WASHC4: variants seen among roughly 807,000 people sequenced by gnomAD.
WASHC4 encodes the protein WASH complex subunit 7.
A neutral mutation model predicts 166.6 loss-of-function variants in WASHC4; 86 were observed. The ratio of observed to expected loss-of-function variants is 0.52; its 90% CI spans 0.43 to 0.62. WASHC4 has a LOEUF of 0.62. WASHC4 is among the 20% of genes least tolerant of loss of function. WASHC4 has a pLI of 0.00. For missense variants in WASHC4, 1,262 were observed against 1,382.4 expected (o/e 0.91, Z 1.38); for synonymous variants, 446 against 451.6 (o/e 0.99, Z 0.16).
chr12:105,120,576 G>T lies in WASHC4; in HGVS notation c.540G>T (p.Glu180Asp). ...ISNKIAPKII[E>D]TTGVHFQTMY... is the part of the protein sequence containing the mutation. The stretch of plus-strand genomic sequence containing the variant: ...ATAGGATTGCACCCAAAATTATAGA[G>T]ACAACTGGAGTTCATTTTCAGGTAA... The change falls in exon 8 of 33, where the codon GAG (glutamate) becomes GAT (aspartate). Residue 180 changes from glutamate (E) to aspartate (D), a missense_variant. Coordinates refer to ENST00000332180, the MANE Select transcript of WASHC4 (RefSeq NM_015275.3). The T allele has an allele frequency of 6.2e-7, 1 of 1,602,402 alleles. No homozygotes were observed. The highest frequency in any genetic ancestry group is 8.5e-7 in the Non-Finnish European group (1 of 1,169,608).
chr12:105,150,045 C>A (rs1307197465), intron 25 of WASHC4, among the ~76,000 whole-genome samples: 3 of 152,168 alleles, frequency 2.0e-5, no homozygotes, highest in Non-Finnish European at 4.4e-5. Flanking sequence ...TCTTTCCATT[C>A]CATTTTCTGG....
chr12:105,158,889 G>T (rs1318925924), intron 28 of WASHC4, among the ~76,000 whole-genome samples: 2 of 152,132 alleles, frequency 1.3e-5, no homozygotes, highest in African/African-American at 2.4e-5. Context: ...CTAGTTGAAG[G>T]GTATACGGGT....
intron 2 of WASHC4, among the ~76,000 whole-genome samples, 171 bp downstream of exon 2, chr12:105,111,435 A>C (rs1043079557): frequency 6.6e-6 from 1 of 152,180 alleles, no homozygotes; most frequent in Non-Finnish European, 1.5e-5. Context: ...ATGTTTTTTA[A>C]ATGTGTGTGT....
Position 105,132,193 on chromosome 12 carries a change from G to T in WASHC4, c.1200-1577G>T, listed in dbSNP as rs564882485. Among the ~76,000 whole-genome samples, 19 of 152,334 alleles carry T rather than the reference G, an allele frequency of 1.2e-4. No individual in the cohort carries two copies. In the East Asian group the frequency reaches 3.5e-3, roughly 28 times the overall value. On this transcript the variant is annotated intron_variant, in intron 13 of 32. Coordinates refer to ENST00000332180, the MANE Select transcript of WASHC4 (RefSeq NM_015275.3). ...TGTTTGTTTGTTTGTTTTTGAGACG[G>T]AGTCTCGCTCTGTCGCCCAGGCTGG...
rs752373359 is a variant in WASHC4, at chr12:105,114,443, C to A, written c.321+16C>A. On this transcript the variant is annotated intron_variant, in intron 4 of 32. Transcript: ENST00000332180. ...AAAATATGAGGTAATTATTTGAATT[C>A]TTGTCTTAAAACTTTAAAAACATCA... is the stretch of plus-strand genomic sequence containing the variant. 1.1e-5 allele frequency: 17 copies of A among 1,518,402 alleles called. No individual in the cohort carries two copies. The highest frequency in any genetic ancestry group is 4.2e-5 in the African/African-American group (3 of 70,814). 94.1% of individuals were successfully genotyped at this position (1,518,402 alleles called of 1,614,324 possible).
chr12:105,133,672 T>G (rs568375567), intron 13 of WASHC4, 98 bp from the exon 14 acceptor site: 1 of 1,028,476 alleles, frequency 9.7e-7, no homozygotes, highest in African/African-American at 1.6e-5. Context: ...ACCAGAAAGA[T>G]GAAATGACTG....
intron 6 of WASHC4, among the ~76,000 whole-genome samples, chr12:105,118,085 G>T (rs181095532): frequency 1.5e-3 from 223 of 152,224 alleles, no homozygotes; most frequent in African/African-American, 5.0e-3. Flanking sequence ...CATGTAATAG[G>T]GTAGAAATTT....
intron 15 of WASHC4, among the ~76,000 whole-genome samples, chr12:105,139,698 G>T (rs998885107): frequency 1.3e-5 from 2 of 150,934 alleles, no homozygotes; most frequent in African/African-American, 2.4e-5. Context: ...TTATTGGATT[G>T]TGTGCCTTTA....
intron 24 of WASHC4, chr12:105,147,423 A>G: frequency 2.2e-6 from 1 of 447,912 alleles, no homozygotes. Flanking sequence ...ACATTAATAT[A>G]TGTGTGTGCA....
At chr12:105,107,951 G>A in intron 1 of WASHC4, 90 bp downstream of exon 1, 3 of 955,990 alleles carry the variant, frequency 3.1e-6, no homozygotes, top group East Asian at 5.2e-5. Flanking sequence ...GAGAGGGACG[G>A]CTGCGCAGCC....
intron 6 of WASHC4, among the ~76,000 whole-genome samples, chr12:105,117,023 G>A (rs914266130): frequency 1.3e-5 from 2 of 152,056 alleles, no homozygotes; most frequent in Non-Finnish European, 2.9e-5. Flanking sequence ...TGGAAACTTT[G>A]CATTTTTCAT....
At chr12:105,126,598 T>A (rs1323852395) in intron 12 of WASHC4, among the ~76,000 whole-genome samples, 2 of 152,076 alleles carry the variant, frequency 1.3e-5, no homozygotes. Flanking sequence ...CAACTTCTCT[T>A]AGTGCTACTA....
chr12:105,147,155 T>A lies in WASHC4; in HGVS notation c.2514+9T>A. The A allele has an allele frequency of 6.5e-7, 1 of 1,542,826 alleles. No homozygotes were observed. Among genetic ancestry groups the A allele is most frequent in the Non-Finnish European group, 9.0e-7 (1 of 1,115,002 alleles). ...GAATTATGAATACAACTGTAAGAAC[T>A]TTTCTTTGGGGGTTGAGTGGGTAAT... On this transcript the variant is annotated intron_variant, in intron 24 of 32. Transcript: ENST00000332180.
At position 105,142,461 on chromosome 12, in the gene WASHC4, C is replaced by T. The variant is rs776297047; in HGVS notation, c.1796C>T (p.Thr599Ile). 3 of 1,594,538 alleles carry T rather than the reference C, an allele frequency of 1.9e-6. No individual in the cohort carries two copies. The highest frequency in any genetic ancestry group is 2.2e-5 in the South Asian group (2 of 90,704). The change falls in exon 19 of 33, where the codon ACA (threonine) becomes ATA (isoleucine). Residue 599 changes from threonine to isoleucine, a missense_variant. Physicochemically the swap from Thr to Ile is moderately conservative, Grantham distance 89. Coordinates refer to ENST00000332180, the MANE Select transcript of WASHC4 (RefSeq NM_015275.3). ...LISELRERVQ[T>I]QCDCCFLYWH... ...ACTACTTTACATTGTAGAGTCCAAA[C>T]ACAATGTGACTGTTGTTTTTTATAC...
chr12:105,148,601 G>T (rs1883498611), intron 24 of WASHC4: 1 of 985,046 alleles, frequency 1.0e-6, no homozygotes, highest in African/African-American at 1.7e-5. Flanking sequence ...CTGTTAAAGA[G>T]ATTTTTTTAA....
chr12:105,139,812 C>A (rs996065090), intron 15 of WASHC4, among the ~76,000 whole-genome samples: 2 of 150,500 alleles, frequency 1.3e-5, no homozygotes, highest in Non-Finnish European at 3.0e-5. Flanking sequence ...TTTTTATTTT[C>A]TTTATAGAGA....
intron 14 of WASHC4, 47 bp downstream of exon 14, chr12:105,133,943 T>TA: frequency 1.3e-6 from 2 of 1,579,448 alleles, no homozygotes; most frequent in Non-Finnish European, 1.7e-6. Context: ...TAATCCAACT[T>TA]ACAGAAGTTA....
chr12:105,157,732 T>C (rs1884258751), intron 28 of WASHC4, among the ~76,000 whole-genome samples: 1 of 152,250 alleles, frequency 6.6e-6, no homozygotes, highest in Admixed American at 6.5e-5. Flanking sequence ...TCCTTTCTTA[T>C]ATGTAATCTA....
At chr12:105,115,811 T>C in intron 6 of WASHC4, 83 bp downstream of exon 6, 1 of 851,860 alleles carries the variant, frequency 1.2e-6, no homozygotes, top group Non-Finnish European at 2.0e-6. Context: ...TCTGAAACCT[T>C]CAAATACTAA....
Sources: allele counts gnomAD v4.1 joint callset (sites outside exome capture counted in the v4.1 genomes callset), GRCh38; gene constraint gnomAD v4.1.1; transcripts MANE v1.5; gene names NCBI Gene and HGNC (gene_info 2026-07-23, HGNC 2026-07-21).